The following PCDH7 variants were observed in gnomAD, a reference collection of about 807,000 sequenced individuals.
The protein encoded by PCDH7 is protocadherin 7, also known as protocadherin-7.
Under a neutral mutation model 58.9 loss-of-function variants are expected in PCDH7, and 17 were observed. That is an observed-to-expected ratio of 0.29 (90% confidence interval 0.20 to 0.43). PCDH7 has a LOEUF of 0.43. Among genes scored for constraint, PCDH7 ranks in the 20% least tolerant of loss-of-function variants. The pLI is 1.00. For synonymous variants in PCDH7, 664 were observed against 616.4 expected, an observed-to-expected ratio of 1.08 and a Z score of -1.14; for missense variants, 1,274 against 1,441.0, an observed-to-expected ratio of 0.88 and a Z score of 1.88.
chr4:30,978,595 C>A (rs773149149), intron 3 of PCDH7, among the ~76,000 whole-genome samples: 3 of 152,100 alleles, frequency 2.0e-5, no homozygotes, highest in Non-Finnish European at 2.9e-5. Context: ...ACTTTCTGAG[C>A]TCTGATTTTA....
chr4:31,095,961 C>T (rs6837112), intron 3 of PCDH7, among the ~76,000 whole-genome samples: 16,617 of 152,178 alleles, frequency 0.11, 1,148 homozygotes, highest in Middle Eastern at 0.19. Context: ...AACATTCTTG[C>T]CATGATACTC....
At chr4:30,746,302 C>T in intron 1 of PCDH7, among the ~76,000 whole-genome samples, 1 of 152,046 alleles carries the variant, frequency 6.6e-6, no homozygotes, top group East Asian at 1.9e-4. Flanking sequence ...CCTGGCCCAC[C>T]CTCAGTGTAA....
chr4:31,073,697 TAATCATTAC>T (rs1215667830), intron 3 of PCDH7, among the ~76,000 whole-genome samples: 1 of 152,202 alleles, frequency 6.6e-6, no homozygotes, highest in Non-Finnish European at 1.5e-5. Flanking sequence ...CAATGATGTA[TAATCATTAC>T]ATGGTGGGAT....
intron 3 of PCDH7, among the ~76,000 whole-genome samples, chr4:31,087,578 A>G (rs547337864): frequency 9.2e-5 from 14 of 152,182 alleles, no homozygotes; most frequent in South Asian, 4.1e-4. Flanking sequence ...ATGAGAAGAG[A>G]CATAGAATGG....
At chr4:30,944,817 A>G (rs1746474226) in intron 2 of PCDH7, among the ~76,000 whole-genome samples, 1 of 152,188 alleles carries the variant, frequency 6.6e-6, no homozygotes, top group African/African-American at 2.4e-5. Context: ...ACTCAATACA[A>G]TAGTCAACAG....
intron 1 of PCDH7, among the ~76,000 whole-genome samples, chr4:30,773,804 C>G (rs866956126): frequency 2.4e-4 from 37 of 152,090 alleles, no homozygotes; most frequent in African/African-American, 8.4e-4. Context: ...ATTCCCTTCC[C>G]AAAGATTTTT....
chr4:30,999,445 C>A (rs13108711), intron 3 of PCDH7, among the ~76,000 whole-genome samples: 31,021 of 151,966 alleles, frequency 0.2, 6,180 homozygotes, highest in African/African-American at 0.51. Context: ...AGAGAGAAAA[C>A]TATTTCTCAG....
intron 3 of PCDH7, among the ~76,000 whole-genome samples, chr4:31,099,575 A>G (rs1221045869): frequency 6.6e-6 from 1 of 152,188 alleles, no homozygotes; most frequent in Non-Finnish European, 1.5e-5. Flanking sequence ...TATGTAGTTT[A>G]TTTATTGCTA....
intron 1 of PCDH7, among the ~76,000 whole-genome samples, chr4:30,852,829 GAAA>G (rs58210433): frequency 2.3e-4 from 17 of 74,608 alleles, no homozygotes; most frequent in African/African-American, 4.8e-4. Context: ...TCAAGCACAG[GAAA>G]AAAAAAAAAA....
rs192161021 is a variant in PCDH7, at chr4:31,063,109, C to T, written c.*8-79364C>T. Among the ~76,000 whole-genome samples, 9 of 151,892 alleles carry T rather than the reference C, an allele frequency of 5.9e-5. No individual in the cohort carries two copies. The East Asian group carries it at 1.5e-3, about 26-fold the overall frequency. The stretch of plus-strand genomic sequence containing the variant: ...TTTAACAAGAAAGTCTTTGTCAAGC[C>T]TCTGAACCTCAAGCATAACTGAAAG... On this transcript the variant is annotated intron_variant, in intron 3 of 3. Coordinates refer to the PCDH7 transcript ENST00000509759.
At chr4:30,894,203 G>C (rs1738988984) in intron 1 of PCDH7, among the ~76,000 whole-genome samples, 2 of 151,818 alleles carry the variant, frequency 1.3e-5, no homozygotes, top group South Asian at 4.2e-4. Flanking sequence ...GACAGCTTAG[G>C]CAGGCTTTGA....
chr4:31,065,990 G>T (rs1369002528), intron 3 of PCDH7, among the ~76,000 whole-genome samples: 1 of 151,862 alleles, frequency 6.6e-6, no homozygotes, highest in Non-Finnish European at 1.5e-5. Flanking sequence ...AGTCAATAGT[G>T]CCACAGTTTT....
chr4:31,051,558 T>C (rs1756731771), intron 3 of PCDH7, among the ~76,000 whole-genome samples: 1 of 152,148 alleles, frequency 6.6e-6, no homozygotes, highest in African/African-American at 2.4e-5. Context: ...ATTCTACAAT[T>C]ATATTACAGC....
rs1435120772 is a variant in PCDH7, at chr4:31,015,922, T to C, written c.*7+65707T>C. On this transcript the variant is annotated intron_variant, in intron 3 of 3. Transcript: ENST00000509759. The stretch of plus-strand genomic sequence containing the variant: ...ATTTTGAAATTGAATGTATTAGTTA[T>C]GTTCATGTGTACACGCTTTCAGTTT... Among the ~76,000 whole-genome samples, 4 of 152,226 alleles carry C rather than the reference T, an allele frequency of 2.6e-5. No homozygotes were observed. In the East Asian group the frequency reaches 7.7e-4, roughly 29 times the overall value.
chr4:30,958,992 G>C (rs1169820099), intron 3 of PCDH7, among the ~76,000 whole-genome samples: 2 of 152,058 alleles, frequency 1.3e-5, no homozygotes, highest in African/African-American at 4.8e-5. Context: ...TCAATAGTGT[G>C]AGGCTCAAAG....
At chr4:31,079,933 A>C (rs1759363469) in intron 3 of PCDH7, among the ~76,000 whole-genome samples, 1 of 152,182 alleles carries the variant, frequency 6.6e-6, no homozygotes, top group Non-Finnish European at 1.5e-5. Context: ...TGATGAGGGA[A>C]AGAATATAAT....
chr4:30,724,958 G>A (rs1714399009), intron 1 of PCDH7: 1 of 1,038,646 alleles, frequency 9.6e-7, no homozygotes, highest in Non-Finnish European at 1.2e-6. Flanking sequence ...ATTTTCTTCT[G>A]TGGCAACTAA....
intron 3 of PCDH7, among the ~76,000 whole-genome samples, chr4:31,033,361 A>C (rs1755118525): frequency 6.6e-6 from 1 of 152,246 alleles, no homozygotes; most frequent in African/African-American, 2.4e-5. Context: ...AAAAGATAGT[A>C]AAATTAGAGA....
chr4:30,817,734 T>A (rs1727877618), intron 1 of PCDH7, among the ~76,000 whole-genome samples: 2 of 152,144 alleles, frequency 1.3e-5, no homozygotes, highest in Admixed American at 6.5e-5. Context: ...ATTGTGTTGT[T>A]CTGTTTCATT....
Sources: allele counts gnomAD v4.1 joint callset (sites outside exome capture counted in the v4.1 genomes callset), GRCh38; gene constraint gnomAD v4.1.1; transcripts MANE v1.5; gene names NCBI Gene and HGNC (gene_info 2026-07-23, HGNC 2026-07-21).